Variants in GALK2 observed in about 807,000 individuals in gnomAD.
GALK2 encodes the protein N-acetylgalactosamine kinase.
Under a neutral mutation model 52.4 loss-of-function variants are expected in GALK2, and 36 were observed. The observed-to-expected ratio is 0.69, with a 90% CI of 0.53 to 0.91. GALK2 has a LOEUF of 0.91. GALK2 is among the 40% of genes least tolerant of loss of function. The pLI is 0.00. For missense variants in GALK2, 579 were observed against 559.1 expected (o/e 1.04, Z -0.36); for synonymous variants, 176 against 199.1 (o/e 0.88, Z 0.98).
exon 1 of GALK2, chr15:49,155,975 CT>C: frequency 1.9e-6 from 3 of 1,614,108 alleles, no homozygotes; most frequent in Non-Finnish European, 2.5e-6. Flanking sequence ...GACCAGAAGC[CT>C]TTCGCGGAGA....
chr15:49,260,404 C>G (rs9745238), intron 5 of GALK2, among the ~76,000 whole-genome samples: 96,710 of 147,532 alleles, frequency 0.66, 32,340 homozygotes, highest in African/African-American at 0.74. Flanking sequence ...CCCACTTTTT[C>G]ATGGGGTTGT....
chr15:49,171,149 C>G (rs1202300804), intron 1 of GALK2, among the ~76,000 whole-genome samples: 1 of 143,528 alleles, frequency 7.0e-6, no homozygotes, highest in Non-Finnish European at 1.5e-5. Flanking sequence ...GTGGCGCCAT[C>G]TTGGCTCACC....
At chr15:49,258,470 C>T (rs2091912593) in intron 5 of GALK2, among the ~76,000 whole-genome samples, 1 of 152,008 alleles carries the variant, frequency 6.6e-6, no homozygotes, top group African/African-American at 2.4e-5. Flanking sequence ...GATATTGATG[C>T]ACTAACTATA....
At chr15:49,204,374 G>A (rs1454645156) in intron 2 of GALK2, among the ~76,000 whole-genome samples, 1 of 143,104 alleles carries the variant, frequency 7.0e-6, no homozygotes, top group Non-Finnish European at 1.5e-5. Context: ...ATTAATTTCT[G>A]TGAAGAATGT....
chr15:49,197,013 G>C (rs1295216522), intron 1 of GALK2, among the ~76,000 whole-genome samples: 2 of 152,194 alleles, frequency 1.3e-5, no homozygotes, highest in African/African-American at 4.8e-5. Flanking sequence ...CCTGAGCCCA[G>C]GAGTTCTAGG....
intron 3 of GALK2, among the ~76,000 whole-genome samples, chr15:49,355,835 A>G (rs1395667949): frequency 6.6e-6 from 1 of 152,208 alleles, no homozygotes; most frequent in Non-Finnish European, 1.5e-5. Context: ...AAGGGCAGCT[A>G]GAGAGAAAGG....
At position 49,227,652 on chromosome 15, in the gene GALK2, G is replaced by A. The variant is rs1009632050; in HGVS notation, c.267-8199G>A. Among the ~76,000 whole-genome samples the A allele has an allele frequency of 2.0e-5, 3 of 151,120 alleles. 1 individual carries two copies. The highest frequency in any genetic ancestry group is 3.2e-3 in the Middle Eastern group (1 of 310). ...TACATTCAATGTTATTATTGATATG[G>A]GAGGGCTTATTCCTGTCATTTTGTT... On this transcript the variant is annotated intron_variant, in intron 3 of 9. Transcript: ENST00000560031.
intron 5 of GALK2, among the ~76,000 whole-genome samples, chr15:49,264,756 G>C (rs1050577282): frequency 3.7e-4 from 57 of 152,156 alleles, no homozygotes; most frequent in African/African-American, 1.3e-3. Context: ...TTTTTGGTGT[G>C]TATGTCCTTT....
chr15:49,236,464 A>C (rs1282110558), intron 4 of GALK2, among the ~76,000 whole-genome samples: 1 of 152,168 alleles, frequency 6.6e-6, no homozygotes, highest in Non-Finnish European at 1.5e-5. Flanking sequence ...TGTTATTGCT[A>C]CTTCAGATGG....
At chr15:49,155,954 G>A in exon 1 of GALK2, 1 of 1,611,822 alleles carries the variant, frequency 6.2e-7, no homozygotes, top group Admixed American at 1.7e-5. Context: ...TGAAAGTAAG[G>A]GACAGCTTAG....
intron 2 of GALK2, among the ~76,000 whole-genome samples, chr15:49,214,894 CATTTT>C (rs1316984178): frequency 1.3e-5 from 2 of 151,926 alleles, no homozygotes; most frequent in African/African-American, 4.8e-5. Context: ...CTCTCTTTAA[CATTTT>C]TTGCAAGACA....
Position 49,360,764 on chromosome 15 carries a change from T to G in GALK2, c.427-6727T>G, listed in dbSNP as rs142742140. ...AGATCATCCAAAAATTATATTTAAA[T>G]GTTCTGCTAATGAATTAGTGTACAT... On this transcript the variant is annotated intron_variant, in intron 3 of 3. Transcript: ENST00000558399. 3.8e-3 allele frequency among the ~76,000 whole-genome samples: 578 copies of G among 152,308 alleles called. 3 individuals carry two copies. The highest frequency in any genetic ancestry group is 0.013 in the African/African-American group (553 of 41,568).
intron 9 of GALK2, among the ~76,000 whole-genome samples, chr15:49,322,398 A>G (rs1228663628): frequency 6.6e-6 from 1 of 152,222 alleles, no homozygotes; most frequent in African/African-American, 2.4e-5. Context: ...GTTGGCCAGA[A>G]TAGTTGTCTG....
At chr15:49,164,730 G>A (rs556530058) in intron 1 of GALK2, among the ~76,000 whole-genome samples, 5 of 128,132 alleles carry the variant, frequency 3.9e-5, no homozygotes, top group Admixed American at 2.0e-4. Context: ...GCAGTGAGCC[G>A]AGATCATGCC....
chr15:49,268,226 A>G (rs1256891360), intron 5 of GALK2, among the ~76,000 whole-genome samples: 1 of 152,218 alleles, frequency 6.6e-6, no homozygotes, highest in African/African-American at 2.4e-5. Flanking sequence ...ATACACAAAT[A>G]TCTGTACACA....
rs145130575 is a variant in GALK2, at chr15:49,217,341, T to G, written c.266+28T>G. 3.8e-4 allele frequency: 607 copies of G among 1,611,478 alleles called. 6 individuals are homozygous for G. The African/African-American group carries it at 6.9e-3, about 18-fold the overall frequency. ...GAGTATTTAAAATTGTTAGTGTGTG[T>G]GTATGTATGGTTCTGTTTGTACCCA... On this transcript the variant is annotated intron_variant, in intron 3 of 9. Transcript: ENST00000560031.
intron 3 of GALK2, among the ~76,000 whole-genome samples, chr15:49,228,694 T>TATTTA (rs1321584993): frequency 1.3e-5 from 1 of 74,096 alleles, no homozygotes; most frequent in African/African-American, 5.8e-5. Flanking sequence ...TATATTTTTT[T>TATTTA]TTTTTTTTTT....
intron 7 of GALK2, among the ~76,000 whole-genome samples, chr15:49,287,436 T>C (rs2033487058): frequency 6.6e-6 from 1 of 152,242 alleles, no homozygotes; most frequent in Admixed American, 6.5e-5. Flanking sequence ...ACTGCTAATG[T>C]GCACTTTACT....
At chr15:49,176,583 A>C (rs2085479939) in intron 1 of GALK2, among the ~76,000 whole-genome samples, 1 of 152,202 alleles carries the variant, frequency 6.6e-6, no homozygotes, top group Non-Finnish European at 1.5e-5. Flanking sequence ...TTTTGAGAGG[A>C]TCATGAAGTC....
Sources: gnomAD v4.1 joint callset for allele counts (sites outside exome capture counted in the v4.1 genomes callset) on GRCh38, gnomAD v4.1.1 for gene constraint, MANE v1.5 for transcripts, NCBI Gene and HGNC (gene_info 2026-07-23, HGNC 2026-07-21) for gene names.